Variants in KCNQ5 observed in about 807,000 individuals in gnomAD.
The protein encoded by KCNQ5 is potassium voltage-gated channel subfamily KQT member 5.
In KCNQ5, 30 loss-of-function variants were observed where a neutral mutation model predicts 98.2. The ratio of observed to expected loss-of-function variants is 0.31; its 90% confidence interval spans 0.23 to 0.41. The LOEUF is 0.41. Among genes scored for constraint, KCNQ5 ranks in the 10% least tolerant of loss-of-function variants. KCNQ5 has a pLI of 1.00. For missense variants in KCNQ5, 835 were observed against 1,182.5 expected, an observed-to-expected ratio of 0.71 and a Z score of 4.31; for synonymous variants, 458 against 449.4, an observed-to-expected ratio of 1.02 and a Z score of -0.24.
At chr6:72,793,851 T>C (rs1329831396) in intron 1 of KCNQ5, among the ~76,000 whole-genome samples, 3 of 152,230 alleles carry the variant, frequency 2.0e-5, no homozygotes, top group Non-Finnish European at 2.9e-5. Context: ...TCATTTTTTG[T>C]GCATAGTGCT....
At chr6:72,649,426 T>C (rs1765767851) in intron 1 of KCNQ5, among the ~76,000 whole-genome samples, 1 of 152,062 alleles carries the variant, frequency 6.6e-6, no homozygotes, top group Non-Finnish European at 1.5e-5. Context: ...TTTGGTCAAA[T>C]CCTCCAGTGA....
intron 1 of KCNQ5, among the ~76,000 whole-genome samples, chr6:72,692,664 T>C (rs1242127158): frequency 6.6e-6 from 1 of 152,232 alleles, no homozygotes; most frequent in South Asian, 2.1e-4. Context: ...GTCAACTTTA[T>C]GTTCCAGATT....
intron 2 of KCNQ5, among the ~76,000 whole-genome samples, chr6:73,006,527 C>T (rs149195823): frequency 4.6e-5 from 7 of 152,162 alleles, no homozygotes; most frequent in Admixed American, 3.3e-4. Context: ...GTGGCATACA[C>T]CTGTAATCCC....
At chr6:73,106,707 T>TGGGG (rs1269546377) in intron 6 of KCNQ5, among the ~76,000 whole-genome samples, 2 of 152,216 alleles carry the variant, frequency 1.3e-5, no homozygotes, top group African/African-American at 4.8e-5. Context: ...CAAGGTCACA[T>TGGGG]TCTGAGGTCA....
At chr6:73,056,398 AT>A (rs1772494609) in intron 3 of KCNQ5, among the ~76,000 whole-genome samples, 1 of 133,724 alleles carries the variant, frequency 7.5e-6, no homozygotes, top group African/African-American at 3.5e-5. Flanking sequence ...ATTTACTTTT[AT>A]TTAAAAAAAA....
chr6:73,083,748 C>T (rs1227267033), intron 5 of KCNQ5, among the ~76,000 whole-genome samples: 2 of 152,144 alleles, frequency 1.3e-5, no homozygotes, highest in Non-Finnish European at 2.9e-5. Flanking sequence ...TATTCTCATG[C>T]ATTAATATAT....
chr6:72,717,782 A>G (rs1769723063), intron 1 of KCNQ5, among the ~76,000 whole-genome samples: 1 of 152,244 alleles, frequency 6.6e-6, no homozygotes, highest in South Asian at 2.1e-4. Context: ...AATCGAGTGA[A>G]TACTTTTGTT....
chr6:72,803,371 C>T (rs577901801), intron 1 of KCNQ5, among the ~76,000 whole-genome samples: 145 of 152,224 alleles, frequency 9.5e-4, no homozygotes, highest in African/African-American at 3.3e-3. Flanking sequence ...AGAGCCATGC[C>T]TCCCAAAGTC....
chr6:72,968,480 G>A (rs1390663299), intron 1 of KCNQ5, among the ~76,000 whole-genome samples: 2 of 151,884 alleles, frequency 1.3e-5, no homozygotes, highest in Admixed American at 6.6e-5. Context: ...GTGATGAGGA[G>A]GGGGAAATTC....
chr6:72,723,011 A>C (rs1475106592), intron 1 of KCNQ5, among the ~76,000 whole-genome samples: 4 of 151,822 alleles, frequency 2.6e-5, no homozygotes, highest in African/African-American at 9.7e-5. Flanking sequence ...TACTACACCC[A>C]GCTAATTTCT....
chr6:73,105,868 C>A (rs1267938923), intron 6 of KCNQ5, among the ~76,000 whole-genome samples: 1 of 152,026 alleles, frequency 6.6e-6, no homozygotes, highest in Non-Finnish European at 1.5e-5. Flanking sequence ...TGAGCAGTTT[C>A]TGTATCTTAT....
chr6:73,121,336 TAA>T (rs113225446), intron 8 of KCNQ5, among the ~76,000 whole-genome samples: 17 of 139,032 alleles, frequency 1.2e-4, no homozygotes, highest in Non-Finnish European at 1.6e-4. Flanking sequence ...GATCTGTAAT[TAA>T]AAAAAAAAAA....
chr6:72,771,652 CTGTGTGTGTG>C (rs150518788), intron 1 of KCNQ5, among the ~76,000 whole-genome samples: 47 of 147,864 alleles, frequency 3.2e-4, no homozygotes, highest in African/African-American at 1.1e-3. Context: ...AACCATTTCA[CTGTGTGTGTG>C]TGTGTGTGTG....
At chr6:72,760,200 T>A (rs1443377400) in intron 1 of KCNQ5, among the ~76,000 whole-genome samples, 1 of 152,108 alleles carries the variant, frequency 6.6e-6, no homozygotes, top group Non-Finnish European at 1.5e-5. Flanking sequence ...TATAAATAAA[T>A]CAAGTCTGGT....
At chr6:72,812,323 C>T (rs1170609310) in intron 1 of KCNQ5, among the ~76,000 whole-genome samples, 1 of 152,124 alleles carries the variant, frequency 6.6e-6, no homozygotes, top group Non-Finnish European at 1.5e-5. Context: ...TTATGCAGTC[C>T]TTATTCAAGA....
At chr6:73,131,887 C>A (rs1582415609) in intron 9 of KCNQ5, among the ~76,000 whole-genome samples, 1 of 152,200 alleles carries the variant, frequency 6.6e-6, no homozygotes, top group African/African-American at 2.4e-5. Context: ...GTGCCTTCAG[C>A]GAGTCATGCT....
chr6:72,778,781 C>A (rs569625387), intron 1 of KCNQ5, among the ~76,000 whole-genome samples: 9 of 152,074 alleles, frequency 5.9e-5, no homozygotes, highest in Admixed American at 3.3e-4. Context: ...TTAAAAAAAT[C>A]AACAGCACAG....
intron 1 of KCNQ5, among the ~76,000 whole-genome samples, chr6:72,744,146 A>G (rs140777854): frequency 1.3e-4 from 20 of 152,316 alleles, no homozygotes; most frequent in South Asian, 8.3e-4. Context: ...AGTAAGTCAC[A>G]TGGCCACACA....
intron 1 of KCNQ5, among the ~76,000 whole-genome samples, chr6:72,738,815 G>A (rs2154476068): frequency 6.6e-6 from 1 of 152,250 alleles, no homozygotes; most frequent in East Asian, 1.9e-4. Flanking sequence ...GCTATATGCT[G>A]TATGATTCCA....
Sources: allele counts gnomAD v4.1 joint callset (sites outside exome capture counted in the v4.1 genomes callset), GRCh38; gene constraint gnomAD v4.1.1; transcripts MANE v1.5; gene names NCBI Gene and HGNC (gene_info 2026-07-23, HGNC 2026-07-21).